KLF12: variants seen among roughly 807,000 people sequenced by gnomAD.
KLF12 encodes the protein Krueppel-like factor 12.
In KLF12, 9 loss-of-function variants were observed where a neutral mutation model predicts 37.8. The observed-to-expected ratio is 0.24, with a 90% CI of 0.14 to 0.42. KLF12 has a LOEUF of 0.42. KLF12 is among the 10% of genes least tolerant of loss of function. The probability of loss-of-function intolerance (pLI) is 1.00; values close to 1 mark genes in which losing one functional copy is unlikely to be tolerated. For missense variants in KLF12, 411 were observed against 516.0 expected (o/e 0.80, Z 1.97); for synonymous variants, 208 against 202.1 (o/e 1.03, Z -0.25).
At chr13:74,177,302 A>G in the KLF12 span, among the ~76,000 whole-genome samples, 1 of 152,328 alleles carries the variant, frequency 6.6e-6, no homozygotes, top group South Asian at 2.1e-4. Flanking sequence ...AGGCAAAATT[A>G]TATGTAAATT....
At chr13:73,938,247 A>G (rs913440454) in intron 3 of KLF12, among the ~76,000 whole-genome samples, 13 of 152,194 alleles carry the variant, frequency 8.5e-5, no homozygotes, top group African/African-American at 2.9e-4. Context: ...GATGTACACT[A>G]GATCGTTAGT....
At chr13:74,004,799 T>G (rs1373564253) in intron 1 of KLF12, among the ~76,000 whole-genome samples, 1 of 152,190 alleles carries the variant, frequency 6.6e-6, no homozygotes, top group African/African-American at 2.4e-5. Context: ...AATCCTTTCC[T>G]TAAATCATTT....
intron 3 of KLF12, among the ~76,000 whole-genome samples, chr13:73,902,020 A>G (rs1201555561): frequency 6.6e-6 from 1 of 152,234 alleles, no homozygotes; most frequent in Admixed American, 6.5e-5. Flanking sequence ...TTGAGACTAT[A>G]GGTACAAAAT....
At chr13:74,193,821 C>T in the KLF12 span, among the ~76,000 whole-genome samples, 8 of 152,204 alleles carry the variant, frequency 5.3e-5, no homozygotes, top group African/African-American at 1.9e-4. Context: ...TCTTCTGGCA[C>T]TTTCTGTTAG....
Position 73,704,896 on chromosome 13 carries a change from T to C in KLF12, c.1028-9225A>G, listed in dbSNP as rs1160404736. Among the ~76,000 whole-genome samples the C allele has an allele frequency of 2.6e-5, 4 of 152,222 alleles. No individual in the cohort carries two copies. The South Asian group carries it at 6.2e-4, about 24-fold the overall frequency. The stretch of plus-strand genomic sequence containing the variant: ...ATCAAAGGAGTGAAACTACTTTAAT[T>C]TAAATACTTTGTTCTTTTAAAAATA... On this transcript the variant is annotated intron_variant, in intron 7 of 7. Transcript: ENST00000377669.
chr13:74,252,558 C>A, the KLF12 span, among the ~76,000 whole-genome samples: 1 of 152,102 alleles, frequency 6.6e-6, no homozygotes, highest in Non-Finnish European at 1.5e-5. Flanking sequence ...GAGGGGTTGG[C>A]CACTAAAGAT....
chr13:74,078,315 A>G (rs1484200908), intron 1 of KLF12, among the ~76,000 whole-genome samples: 1 of 152,174 alleles, frequency 6.6e-6, no homozygotes, highest in African/African-American at 2.4e-5. Flanking sequence ...ACTTGATCCC[A>G]TTTCAAAAAA....
At chr13:73,949,572 G>A (rs769524090) in intron 2 of KLF12, among the ~76,000 whole-genome samples, 1 of 152,050 alleles carries the variant, frequency 6.6e-6, no homozygotes, top group Non-Finnish European at 1.5e-5. Flanking sequence ...CTTGCCTTTG[G>A]TGGCTCACTC....
At chr13:74,043,942 A>G (rs1361255706) in intron 1 of KLF12, among the ~76,000 whole-genome samples, 1 of 152,244 alleles carries the variant, frequency 6.6e-6, no homozygotes, top group African/African-American at 2.4e-5. Context: ...AACAATATAC[A>G]ATATTCTTTA....
At chr13:73,928,275 A>G (rs1889499614) in intron 3 of KLF12, among the ~76,000 whole-genome samples, 1 of 152,222 alleles carries the variant, frequency 6.6e-6, no homozygotes, top group African/African-American at 2.4e-5. Context: ...CCCTTTAGCT[A>G]AAGGTTAAGT....
At chr13:74,287,963 C>A in the KLF12 span, among the ~76,000 whole-genome samples, 5 of 151,972 alleles carry the variant, frequency 3.3e-5, no homozygotes, top group African/African-American at 9.7e-5. Context: ...AGCTCCACCC[C>A]CCTCCCACCC....
the KLF12 span, among the ~76,000 whole-genome samples, chr13:74,285,580 A>T: frequency 6.6e-6 from 1 of 152,120 alleles, no homozygotes; most frequent in African/African-American, 2.4e-5. Flanking sequence ...ACATAGGATT[A>T]TTTGCATAAT....
At chr13:73,816,538 G>A (rs1319884433) in intron 4 of KLF12, among the ~76,000 whole-genome samples, 3 of 152,270 alleles carry the variant, frequency 2.0e-5, no homozygotes, top group African/African-American at 7.2e-5. Context: ...GAAAATTTCA[G>A]AACCCAACAC....
chr13:74,137,163 T>G (rs149379618), upstream of KLF12, among the ~76,000 whole-genome samples: 1 of 152,358 alleles, frequency 6.6e-6, no homozygotes, highest in African/African-American at 2.4e-5. Context: ...AAGGTGCGGA[T>G]TTTTAATGTT....
the KLF12 span, among the ~76,000 whole-genome samples, chr13:74,146,936 A>C: frequency 1.3e-5 from 2 of 152,186 alleles, no homozygotes; most frequent in Non-Finnish European, 2.9e-5. Context: ...TGTATCCTAT[A>C]CCCGATACTG....
intron 1 of KLF12, among the ~76,000 whole-genome samples, chr13:74,074,755 C>A (rs1341609016): frequency 6.6e-6 from 1 of 152,096 alleles, no homozygotes; most frequent in Admixed American, 6.5e-5. Context: ...AGAAGGGATA[C>A]CAAAGTTACC....
At chr13:73,750,109 G>A (rs1409234277) in intron 6 of KLF12, among the ~76,000 whole-genome samples, 1 of 152,188 alleles carries the variant, frequency 6.6e-6, no homozygotes, top group African/African-American at 2.4e-5. Flanking sequence ...ACGATAAACA[G>A]AGAAAGGGCA....
intron 2 of KLF12, among the ~76,000 whole-genome samples, chr13:73,976,767 G>A (rs1391133845): frequency 6.6e-6 from 1 of 152,108 alleles, no homozygotes; most frequent in African/African-American, 2.4e-5. Context: ...TTACAAGGAG[G>A]ATCACTAAGC....
intron 3 of KLF12, among the ~76,000 whole-genome samples, chr13:73,909,083 A>G (rs369251855): frequency 2.3e-4 from 35 of 152,324 alleles, no homozygotes; most frequent in African/African-American, 8.4e-4. Flanking sequence ...ATGGACAACA[A>G]TACGTACTTG....
Sources: gnomAD v4.1 joint callset for allele counts (sites outside exome capture counted in the v4.1 genomes callset) on GRCh38, gnomAD v4.1.1 for gene constraint, MANE v1.5 for transcripts, NCBI Gene and HGNC (gene_info 2026-07-23, HGNC 2026-07-21) for gene names.